The following MTHFD2L variants were observed in gnomAD, a reference collection of about 807,000 sequenced individuals.
MTHFD2L encodes bifunctional methylenetetrahydrofolate dehydrogenase/cyclohydrolase 2, mitochondrial.
A neutral mutation model predicts 34.9 loss-of-function variants in MTHFD2L; 29 were observed. The ratio of observed to expected loss-of-function variants is 0.83; its 90% CI spans 0.62 to 1.13. The LOEUF is 1.13. Among genes scored for constraint, MTHFD2L ranks in the 50% most tolerant of loss-of-function variants. The pLI is 0.00. For synonymous variants in MTHFD2L, 167 were observed against 155.7 expected (o/e 1.07, Z -0.54); for missense variants, 481 against 446.5 (o/e 1.08, Z -0.70).
chr4:74,144,659 T>C (rs1282880688), intron 1 of MTHFD2L, among the ~76,000 whole-genome samples: 3 of 152,202 alleles, frequency 2.0e-5, no homozygotes, highest in African/African-American at 7.2e-5. Flanking sequence ...CAAAAATTTT[T>C]TGGTTTCCAC....
chr4:74,182,025 T>C (rs1175550763), intron 3 of MTHFD2L, among the ~76,000 whole-genome samples: 1 of 151,882 alleles, frequency 6.6e-6, no homozygotes, highest in African/African-American at 2.4e-5. Flanking sequence ...TTGACCAGAG[T>C]GGGAATTTTT....
At chr4:74,201,593 A>C (rs1247470535) in intron 5 of MTHFD2L, among the ~76,000 whole-genome samples, 1 of 149,230 alleles carries the variant, frequency 6.7e-6, no homozygotes, top group Non-Finnish European at 1.5e-5. Context: ...GGCTATATGC[A>C]CTTTGTTTAA....
intron 6 of MTHFD2L, among the ~76,000 whole-genome samples, chr4:74,233,336 T>TTAC (rs1347819508): frequency 6.6e-6 from 1 of 152,144 alleles, no homozygotes; most frequent in African/African-American, 2.4e-5. Flanking sequence ...AACGTGGTCT[T>TTAC]TAAAGTAAAG....
intron 6 of MTHFD2L, among the ~76,000 whole-genome samples, chr4:74,263,511 G>A (rs1273320884): frequency 6.6e-6 from 1 of 151,856 alleles, no homozygotes; most frequent in East Asian, 1.9e-4. Flanking sequence ...TTTGAGCAAT[G>A]GTTAGTAGTT....
At chr4:74,210,977 G>C (rs1486544956) in intron 5 of MTHFD2L, among the ~76,000 whole-genome samples, 2 of 151,410 alleles carry the variant, frequency 1.3e-5, no homozygotes, top group Non-Finnish European at 3.0e-5. Context: ...TCATGATTTG[G>C]CTGTTTTTCT....
chr4:74,119,984 GA>G (rs148290797), upstream of MTHFD2L, among the ~76,000 whole-genome samples: 17 of 146,656 alleles, frequency 1.2e-4, no homozygotes, highest in East Asian at 6.0e-4. Context: ...TTTTTCAAAA[GA>G]AAAAAAAAAG....
intron 3 of MTHFD2L, among the ~76,000 whole-genome samples, chr4:74,186,855 C>T (rs1731381094): frequency 6.6e-6 from 1 of 152,128 alleles, no homozygotes; most frequent in Admixed American, 6.5e-5. Flanking sequence ...ATGGTCCAAA[C>T]AATTTTGAAA....
At chr4:74,252,660 C>T (rs900568236) in intron 6 of MTHFD2L, among the ~76,000 whole-genome samples, 4 of 151,906 alleles carry the variant, frequency 2.6e-5, no homozygotes, top group African/African-American at 9.7e-5. Context: ...ATGAACACAA[C>T]AGAAAATAAA....
At chr4:74,235,587 G>T (rs1740721030) in intron 6 of MTHFD2L, among the ~76,000 whole-genome samples, 1 of 152,076 alleles carries the variant, frequency 6.6e-6, no homozygotes, top group Non-Finnish European at 1.5e-5. Context: ...TAATATCAGG[G>T]ATATTGGACA....
intron 6 of MTHFD2L, among the ~76,000 whole-genome samples, chr4:74,264,449 TG>T (rs1224404326): frequency 6.6e-6 from 1 of 151,994 alleles, no homozygotes; most frequent in African/African-American, 2.4e-5. Context: ...ACATCTAGTG[TG>T]TGCTTCTCCC....
At chr4:74,248,455 A>G (rs1325616435) in intron 6 of MTHFD2L, among the ~76,000 whole-genome samples, 6 of 151,522 alleles carry the variant, frequency 4.0e-5, no homozygotes, top group Admixed American at 2.0e-4. Context: ...TAATTTTTTG[A>G]AGGGTTTTTT....
chr4:74,261,053 A>G (rs1163253254), intron 6 of MTHFD2L, among the ~76,000 whole-genome samples: 2 of 151,918 alleles, frequency 1.3e-5, no homozygotes, highest in Non-Finnish European at 2.9e-5. Context: ...AAACACTAGA[A>G]TTATTCCCAT....
At chr4:74,235,423 G>A (rs1457226751) in intron 6 of MTHFD2L, among the ~76,000 whole-genome samples, 1 of 152,128 alleles carries the variant, frequency 6.6e-6, no homozygotes, top group Non-Finnish European at 1.5e-5. Flanking sequence ...GTAAAGATGA[G>A]TGAGTGGGAG....
chr4:74,298,939 G>A (rs545097120), intron 7 of MTHFD2L, among the ~76,000 whole-genome samples: 2 of 152,026 alleles, frequency 1.3e-5, no homozygotes, highest in African/African-American at 4.8e-5. Flanking sequence ...ATAAGTCACT[G>A]TAACTTCACT....
intron 3 of MTHFD2L, among the ~76,000 whole-genome samples, chr4:74,198,363 A>G (rs1230610323): frequency 6.6e-6 from 1 of 152,156 alleles, no homozygotes; most frequent in Non-Finnish European, 1.5e-5. Flanking sequence ...TAAAATCTAC[A>G]AAGAGTCCTT....
At chr4:74,132,251 A>G (rs1176080725) in intron 1 of MTHFD2L, among the ~76,000 whole-genome samples, 2 of 152,196 alleles carry the variant, frequency 1.3e-5, no homozygotes, top group South Asian at 2.1e-4. Flanking sequence ...ATATACCCAA[A>G]GGATTATAAA....
chr4:74,267,416 TCTTC>T (rs1745449951), intron 6 of MTHFD2L: 1 of 349,518 alleles, frequency 2.9e-6, no homozygotes, highest in African/African-American at 2.2e-5. Flanking sequence ...TTTCTTTCTT[TCTTC>T]TTTCTTTGAC....
At chr4:74,193,646 T>C (rs1020720300) in intron 3 of MTHFD2L, among the ~76,000 whole-genome samples, 1 of 152,184 alleles carries the variant, frequency 6.6e-6, no homozygotes, top group Non-Finnish European at 1.5e-5. Flanking sequence ...TCTCAAATTT[T>C]AAACAATTTA....
chr4:74,176,334 A>G (rs895584399), intron 3 of MTHFD2L, among the ~76,000 whole-genome samples: 4 of 152,040 alleles, frequency 2.6e-5, no homozygotes, highest in Non-Finnish European at 4.4e-5. Context: ...TCAACATAAG[A>G]CTTACCTTCG....
Sources: allele counts gnomAD v4.1 joint callset (sites outside exome capture counted in the v4.1 genomes callset), GRCh38; gene constraint gnomAD v4.1.1; transcripts MANE v1.5; gene names NCBI Gene and HGNC (gene_info 2026-07-23, HGNC 2026-07-21).